Variants in KLHL32 observed in about 807,000 individuals in gnomAD.
KLHL32 encodes kelch like family member 32.
In KLHL32, 35 loss-of-function variants were observed where a neutral mutation model predicts 64.8. The observed-to-expected ratio is 0.54, with a 90% CI of 0.41 to 0.72. The LOEUF is 0.72. Among genes scored for constraint, KLHL32 ranks in the 30% least tolerant of loss-of-function variants. The pLI, the probability that KLHL32 is intolerant of heterozygous loss-of-function variation, is 0.00. For synonymous variants in KLHL32, 259 were observed against 281.0 expected (o/e 0.92, Z 0.78); for missense variants, 589 against 768.5 (o/e 0.77, Z 2.76).
chr6:96,909,541 A>C, the KLHL32 span, among the ~76,000 whole-genome samples: 1 of 152,156 alleles, frequency 6.6e-6, no homozygotes, highest in Non-Finnish European at 1.5e-5. Flanking sequence ...CAGTCAAAGC[A>C]CTCCCATCTC....
chr6:97,140,229 G>C lies in KLHL32; in HGVS notation c.*947G>C, dbSNP rs1046767286. 3 of 120,648 alleles carry C rather than the reference G, an allele frequency of 2.5e-5. No homozygotes were observed. The highest frequency in any genetic ancestry group is 9.2e-5 in the African/African-American group (3 of 32,518). 7.5% of individuals were successfully genotyped at this position (120,648 alleles called of 1,614,324 possible). On this transcript the variant is annotated 3_prime_UTR_variant, in exon 11 of 11. Coordinates refer to ENST00000369261, the MANE Select transcript of KLHL32 (RefSeq NM_052904.4). The stretch of plus-strand genomic sequence containing the variant: ...GTACAGGTATCTAAACTTGCCTCAA[G>C]TAACTCTCAGATGTCTTATTTAAAA...
chr6:96,903,002 T>C, the KLHL32 span, among the ~76,000 whole-genome samples: 70 of 152,306 alleles, frequency 4.6e-4, no homozygotes, highest in East Asian at 0.012. Context: ...CCCTGTAGAA[T>C]AGTTTGAAGT....
intron 1 of KLHL32, among the ~76,000 whole-genome samples, chr6:96,954,680 C>T (rs1299352419): frequency 6.6e-6 from 1 of 152,156 alleles, no homozygotes; most frequent in Non-Finnish European, 1.5e-5. Flanking sequence ...CAGATGGCAC[C>T]TCTACCCTCT....
chr6:96,958,691 T>C (rs917893643), intron 1 of KLHL32, among the ~76,000 whole-genome samples: 1 of 152,218 alleles, frequency 6.6e-6, no homozygotes, highest in Non-Finnish European at 1.5e-5. Flanking sequence ...TTATCTTGGC[T>C]AGAACTGGAT....
intron 6 of KLHL32, among the ~76,000 whole-genome samples, chr6:97,094,591 T>C (rs774308884): frequency 2.0e-5 from 3 of 152,214 alleles, no homozygotes; most frequent in Non-Finnish European, 4.4e-5. Context: ...CTCCTCCTTG[T>C]TACGTGCGGT....
chr6:96,995,341 T>C (rs1778300145), intron 3 of KLHL32, among the ~76,000 whole-genome samples: 1 of 152,206 alleles, frequency 6.6e-6, no homozygotes, highest in African/African-American at 2.4e-5. Context: ...TTTCATCCTT[T>C]CCCAACTTTT....
At chr6:96,915,230 C>G in the KLHL32 span, among the ~76,000 whole-genome samples, 1 of 152,144 alleles carries the variant, frequency 6.6e-6, no homozygotes, top group Admixed American at 6.5e-5. Context: ...TATCTTCCTG[C>G]TTCTTAACTC....
intron 3 of KLHL32, among the ~76,000 whole-genome samples, chr6:97,009,622 A>G (rs916518850): frequency 6.6e-6 from 1 of 152,164 alleles, no homozygotes; most frequent in East Asian, 1.9e-4. Flanking sequence ...TTGTTGTTAC[A>G]TACGCTAGTT....
At chr6:97,118,314 A>T (rs2128213924) in intron 7 of KLHL32, among the ~76,000 whole-genome samples, 1 of 152,300 alleles carries the variant, frequency 6.6e-6, no homozygotes, top group Admixed American at 6.5e-5. Context: ...TGTTTTACTT[A>T]CATCTTGAGA....
intron 3 of KLHL32, among the ~76,000 whole-genome samples, chr6:96,977,612 A>G (rs1199248300): frequency 6.6e-6 from 1 of 152,202 alleles, no homozygotes; most frequent in Non-Finnish European, 1.5e-5. Context: ...TAAATGTTAC[A>G]GACACCAACT....
At chr6:96,922,108 G>A (rs1489618589), upstream of KLHL32, among the ~76,000 whole-genome samples, 1 of 152,092 alleles carries the variant, frequency 6.6e-6, no homozygotes. Context: ...ATTTCCTATA[G>A]TGAATATATG....
chr6:96,954,051 T>C (rs73494804), intron 1 of KLHL32, among the ~76,000 whole-genome samples: 1 of 152,050 alleles, frequency 6.6e-6, no homozygotes, highest in Non-Finnish European at 1.5e-5. Flanking sequence ...CACTATCACC[T>C]GAGAATTCCT....
At chr6:96,963,753 C>T (rs112389449) in intron 1 of KLHL32, among the ~76,000 whole-genome samples, 1 of 152,286 alleles carries the variant, frequency 6.6e-6, no homozygotes, top group African/African-American at 2.4e-5. Context: ...TCAGTAAAAT[C>T]AATAAATTCT....
chr6:97,054,756 C>G (rs563642017), intron 4 of KLHL32, among the ~76,000 whole-genome samples: 5 of 152,300 alleles, frequency 3.3e-5, no homozygotes, highest in Admixed American at 3.3e-4. Context: ...CCATTCATCT[C>G]TATGTATCAT....
intron 7 of KLHL32, among the ~76,000 whole-genome samples, chr6:97,118,649 A>G (rs1798060781): frequency 8.3e-6 from 1 of 120,730 alleles, no homozygotes; most frequent in African/African-American, 3.2e-5. Flanking sequence ...TGTAGACAAA[A>G]TATTGGGAAC....
the KLHL32 span, among the ~76,000 whole-genome samples, chr6:96,906,384 G>A: frequency 6.6e-6 from 1 of 152,160 alleles, no homozygotes; most frequent in African/African-American, 2.4e-5. Flanking sequence ...CGGGAGAATG[G>A]GATATAGCTA....
At chr6:97,013,489 T>G (rs1290912686) in intron 3 of KLHL32, among the ~76,000 whole-genome samples, 2 of 152,102 alleles carry the variant, frequency 1.3e-5, no homozygotes, top group Admixed American at 1.3e-4. Flanking sequence ...CTAGGTGGTG[T>G]TTTTGTTTTT....
chr6:96,986,490 C>T (rs1031880127), intron 3 of KLHL32, among the ~76,000 whole-genome samples: 4 of 152,336 alleles, frequency 2.6e-5, no homozygotes, highest in South Asian at 4.1e-4. Flanking sequence ...CAGAGGCAGG[C>T]AGGCCTCCTT....
At chr6:97,091,607 A>C (rs1278607234) in intron 6 of KLHL32, among the ~76,000 whole-genome samples, 23 of 152,148 alleles carry the variant, frequency 1.5e-4, no homozygotes, top group Admixed American at 1.5e-3. Flanking sequence ...TAGCATAATG[A>C]TTTCTTTGCC....
Sources: allele counts gnomAD v4.1 joint callset (sites outside exome capture counted in the v4.1 genomes callset), GRCh38; gene constraint gnomAD v4.1.1; transcripts MANE v1.5; gene names NCBI Gene and HGNC (gene_info 2026-07-23, HGNC 2026-07-21).